THBS2: variants seen among roughly 807,000 people sequenced by gnomAD.
THBS2 encodes the protein thrombospondin 2, also known as thrombospondin-2.
THBS2 carries 47 observed loss-of-function variants against 135.2 expected under a neutral mutation model. That is an observed-to-expected ratio of 0.35 (90% CI 0.28 to 0.44). The LOEUF (loss-of-function observed/expected upper bound fraction) is 0.44, where lower values mean the gene tolerates loss of function less well. THBS2 is among the 20% of genes least tolerant of loss of function. The pLI is 1.00. For synonymous variants in THBS2, 639 were observed against 633.8 expected (o/e 1.01, Z -0.12); for missense variants, 1,288 against 1,603.1 (o/e 0.80, Z 3.36).
intron 13 of THBS2, among the ~76,000 whole-genome samples, chr6:169,231,244 G>A (rs1460144449): frequency 6.6e-6 from 1 of 152,208 alleles, no homozygotes; most frequent in Admixed American, 6.5e-5. Context: ...TTATCAAAGA[G>A]AGGCAGAGGA....
chr6:169,226,083 AC>A, intron 16 of THBS2, 96 bp downstream of exon 16: 2 of 1,365,474 alleles, frequency 1.5e-6, no homozygotes, highest in Non-Finnish European at 2.1e-6. Flanking sequence ...AGGGTTGTGC[AC>A]CAGGGGCAGT....
intron 18 of THBS2, among the ~76,000 whole-genome samples, chr6:169,222,778 G>C: frequency 7.0e-6 from 1 of 141,980 alleles, no homozygotes; most frequent in Non-Finnish European, 1.5e-5. Context: ...TGGGGGACAA[G>C]AGCAAGACTC....
chr6:169,228,906 CAAA>C (rs535971273), intron 14 of THBS2, among the ~76,000 whole-genome samples: 5 of 112,874 alleles, frequency 4.4e-5, no homozygotes, highest in Admixed American at 8.9e-5. Flanking sequence ...CCTGAGCGAC[CAAA>C]AAAAAAAAAA....
At chr6:169,239,726 C>G in intron 6 of THBS2, 31 bp from the exon 7 acceptor site, 2 of 1,538,198 alleles carry the variant, frequency 1.3e-6, no homozygotes, top group South Asian at 1.2e-5. Flanking sequence ...GCATGGAACA[C>G]TCATTTAAAA....
rs2115016353 is a variant in THBS2 at position 169,241,091 on chromosome 6, C to T, written c.892-499G>A. On this transcript the variant is annotated intron_variant, in intron 5 of 21. Transcript: ENST00000617924. The surrounding 1 kb of genome is among the most constrained non-coding windows in gnomAD (Gnocchi z 5.5). ...CTCCTGCCCCTGCCGCCCTCCCTGC[C>T]CTGGGCTCCATCTCCTGGCATCATT... 6.6e-6 allele frequency among the ~76,000 whole-genome samples: 1 copy of T among 152,030 alleles called. No homozygotes were observed. Among genetic ancestry groups the T allele is most frequent in the African/African-American group, 2.4e-5 (1 of 41,478 alleles).
intron 7 of THBS2, among the ~76,000 whole-genome samples, chr6:169,238,935 G>T (rs952382148): frequency 1.3e-5 from 2 of 152,156 alleles, no homozygotes; most frequent in Non-Finnish European, 1.5e-5. Context: ...GCACTGGGGA[G>T]CCACGGATGG....
At chr6:169,224,799 C>T (rs1380018733) in intron 17 of THBS2, among the ~76,000 whole-genome samples, 2 of 152,190 alleles carry the variant, frequency 1.3e-5, no homozygotes, top group African/African-American at 2.4e-5. Flanking sequence ...CTGCCTGGCC[C>T]CATACACCAA....
At chr6:169,224,583 G>T (rs756051258) in intron 17 of THBS2, among the ~76,000 whole-genome samples, 2 of 152,158 alleles carry the variant, frequency 1.3e-5, no homozygotes, top group Non-Finnish European at 2.9e-5. Context: ...CAGCCTCCCC[G>T]GAAGCCCCAG....
At position 169,216,183 on chromosome 6, in the gene THBS2, A is replaced by C. The variant is rs954641754; in HGVS notation, c.*1639T>G. ...CAGCAAAACAACAACACAACGATCA[A>C]CCTCAAAGGAAACAACAAAATTAAT... is the stretch of plus-strand genomic sequence containing the variant. On this transcript the variant is annotated 3_prime_UTR_variant, in exon 22 of 22. Coordinates refer to ENST00000617924, the MANE Select transcript of THBS2 (RefSeq NM_003247.5). 6.6e-6 allele frequency: 1 copy of C among 152,192 alleles called. No homozygotes were observed. The highest frequency in any genetic ancestry group is 1.5e-5 in the Non-Finnish European group (1 of 68,042). 9.4% of individuals were successfully genotyped at this position (152,192 alleles called of 1,614,324 possible).
chr6:169,232,295 G>A, intron 12 of THBS2, 97 bp from the exon 13 acceptor site: 5 of 1,353,692 alleles, frequency 3.7e-6, no homozygotes, highest in African/African-American at 1.4e-5. Context: ...CAGCAGGTCC[G>A]GTCCCAAGCG....
intron 4 of THBS2, among the ~76,000 whole-genome samples, chr6:169,242,804 C>T (rs1442355677): frequency 1.4e-5 from 2 of 143,848 alleles, no homozygotes; most frequent in Admixed American, 6.8e-5. Context: ...CCCACCTTCC[C>T]ACCTTCCCAC....
chr6:169,239,503 C>T (rs1387009389), intron 7 of THBS2, 96 bp downstream of exon 7: 7 of 1,193,290 alleles, frequency 5.9e-6, no homozygotes, highest in Non-Finnish European at 7.2e-6. Flanking sequence ...GGCTGAACCT[C>T]ACTCTTCTCT....
chr6:169,237,124 T>A, intron 9 of THBS2, 46 bp downstream of exon 9: 1 of 1,559,556 alleles, frequency 6.4e-7, no homozygotes. Flanking sequence ...CACTGTGAGC[T>A]GCCTGCAAGC....
chr6:169,232,700 G>A lies in THBS2; in HGVS notation c.1896C>T (p.Val632=), dbSNP rs1281047899. 4.3e-6 allele frequency: 7 copies of A among 1,612,728 alleles called. No individual in the cohort carries two copies. The highest frequency in any genetic ancestry group is 5.1e-6 in the Non-Finnish European group (6 of 1,179,462). The stretch of plus-strand genomic sequence containing the variant: ...TCTTGGCTGCTTCCAGGCCGACCCC[G>A]ACGGGCTGGTTCCCTCTGTATCGGG... ...CPPRYRGNQP[V]GVGLEAAKTE... is the part of the protein sequence containing the mutation. The change falls in exon 12 of 22, where the codon GTC becomes GTT. Residue 632 remains valine, a synonymous_variant. Transcript: ENST00000617924.
In THBS2 at chr6:169,222,209, G is replaced by A. The variant is rs1378294881; in HGVS notation, c.3261C>T (p.Asn1087=). ...HLRNALWHTG[N]TPGQVRTLWH... ...CAGCCAACCTCACCTGCCCCGGCGT[G>A]TTCCCCGTGTGCCACAGCGCGTTCC... The change falls in exon 19 of 22, where the codon AAC becomes AAT. Residue 1087 remains asparagine (N), a synonymous_variant. Transcript: ENST00000617924. The A allele has an allele frequency of 3.7e-6, 6 of 1,607,688 alleles. No individual in the cohort carries two copies. Among genetic ancestry groups the A allele is most frequent in the African/African-American group, 1.3e-5 (1 of 74,858 alleles).
At chr6:169,244,173 T>G (rs1780467996) in intron 4 of THBS2, among the ~76,000 whole-genome samples, 1 of 151,690 alleles carries the variant, frequency 6.6e-6, no homozygotes, top group South Asian at 2.1e-4. Flanking sequence ...TGTTTTTTTT[T>G]TTTTTTTTTT....
chr6:169,246,631 C>T (rs567946740), intron 3 of THBS2, among the ~76,000 whole-genome samples: 21 of 152,298 alleles, frequency 1.4e-4, no homozygotes, highest in African/African-American at 4.6e-4. Flanking sequence ...TTGCAAGTCA[C>T]TCATGATTAG....
intron 9 of THBS2, among the ~76,000 whole-genome samples, chr6:169,235,931 C>T (rs1369100206): frequency 7.8e-6 from 1 of 127,958 alleles, no homozygotes; most frequent in East Asian, 2.6e-4. Context: ...ACACTCACTA[C>T]TCAGTCCAAA....
chr6:169,250,718 T>A lies in THBS2; in HGVS notation c.52+15A>T, dbSNP rs1260708470. 6 of 1,612,540 alleles carry A rather than the reference T, an allele frequency of 3.7e-6. No homozygotes were observed. Among genetic ancestry groups the A allele is most frequent in the Non-Finnish European group, 5.1e-6 (6 of 1,179,288 alleles). On this transcript the variant is annotated intron_variant, in intron 2 of 21. Coordinates refer to ENST00000617924, the MANE Select transcript of THBS2 (RefSeq NM_003247.5). ...CACAAGCCAGAGAGAGACCACAGGC[T>A]CTGAGGACACTCACCTTGCGTGCTG... is the stretch of plus-strand genomic sequence containing the variant.
Sources: allele counts gnomAD v4.1 joint callset (sites outside exome capture counted in the v4.1 genomes callset), GRCh38; gene constraint gnomAD v4.1.1; non-coding constraint Gnocchi (gnomAD v3.1); transcripts MANE v1.5; gene names NCBI Gene and HGNC (gene_info 2026-07-23, HGNC 2026-07-21).